Variants in ASPRV1 observed in about 807,000 individuals in gnomAD.
The protein encoded by ASPRV1 is aspartic peptidase retroviral like 1, also known as retroviral-like aspartic protease 1.
A neutral mutation model predicts 11.0 loss-of-function variants in ASPRV1; 7 were observed. The observed-to-expected ratio is 0.64, with a 90% CI of 0.36 to 1.20. The LOEUF (loss-of-function observed/expected upper bound fraction) is 1.20. ASPRV1 is among the 50% of genes most tolerant of loss of function. The pLI is 0.02. For synonymous variants in ASPRV1, 136 were observed against 138.4 expected (o/e 0.98, Z 0.12); for missense variants, 299 against 320.0 (o/e 0.93, Z 0.50).
the ASPRV1 span, among the ~76,000 whole-genome samples, chr2:70,014,813 A>G: frequency 9.9e-3 from 1,491 of 150,540 alleles, 33 homozygotes; most frequent in African/African-American, 0.034. Context: ...AAAAAAAAAA[A>G]AAAAAGAAAA....
chr2:70,028,287 A>G, the ASPRV1 span: 1 of 152,204 alleles, frequency 6.6e-6, no homozygotes, highest in Middle Eastern at 3.2e-3. Context: ...AATGACGAGA[A>G]GACAACTTTC....
the ASPRV1 span, among the ~76,000 whole-genome samples, chr2:69,950,894 AAAAT>A: frequency 1.3e-5 from 2 of 150,696 alleles, no homozygotes; most frequent in African/African-American, 4.8e-5. Context: ...TAAATAATAA[AAAAT>A]AAAATAGGGG....
chr2:70,032,620 T>C, the ASPRV1 span, among the ~76,000 whole-genome samples: 13 of 152,170 alleles, frequency 8.5e-5, no homozygotes, highest in Non-Finnish European at 1.5e-4. Context: ...ATTGCACTAC[T>C]GCACTTCAGC....
chr2:70,053,142 C>T, the ASPRV1 span, among the ~76,000 whole-genome samples: 1 of 152,192 alleles, frequency 6.6e-6, no homozygotes, highest in Non-Finnish European at 1.5e-5. Flanking sequence ...GTTCTTGAGA[C>T]TAAGTCCCTA....
At chr2:69,972,291 G>A in the ASPRV1 span, among the ~76,000 whole-genome samples, 3 of 151,498 alleles carry the variant, frequency 2.0e-5, no homozygotes, top group East Asian at 1.9e-4. Context: ...TCCAACTCTT[G>A]ACCTCGTGAT....
the ASPRV1 span, chr2:70,083,469 TC>T: frequency 6.6e-6 from 1 of 152,340 alleles, no homozygotes; most frequent in African/African-American, 2.4e-5. Context: ...GTAGCATAAA[TC>T]CTGTGGTTCA....
At chr2:70,066,339 A>T in the ASPRV1 span, among the ~76,000 whole-genome samples, 1 of 151,920 alleles carries the variant, frequency 6.6e-6, no homozygotes, top group African/African-American at 2.4e-5. Context: ...CCCAGGTTCA[A>T]GTGATTCTCC....
chr2:69,996,794 C>T, the ASPRV1 span: 10 of 453,474 alleles, frequency 2.2e-5, no homozygotes, highest in East Asian at 2.1e-4. Context: ...GGATGTCGGA[C>T]GGTCAGATAC....
At chr2:69,972,797 G>C in the ASPRV1 span, among the ~76,000 whole-genome samples, 10 of 151,998 alleles carry the variant, frequency 6.6e-5, no homozygotes, top group Non-Finnish European at 1.2e-4. Flanking sequence ...CCTCCTGCTT[G>C]CAGAAGATGG....
chr2:70,053,885 T>G, the ASPRV1 span: 1 of 152,238 alleles, frequency 6.6e-6, no homozygotes, highest in African/African-American at 2.4e-5. Context: ...GAGGAACCTC[T>G]TTCTCTCTCC....
At chr2:69,956,052 G>A (rs1677929331), downstream of ASPRV1, among the ~76,000 whole-genome samples, 1 of 152,176 alleles carries the variant, frequency 6.6e-6, no homozygotes, top group Non-Finnish European at 1.5e-5. Context: ...GACAAGATGA[G>A]CCTGGAACAT....
downstream of ASPRV1, among the ~76,000 whole-genome samples, chr2:69,957,557 T>C (rs7577869): frequency 0.16 from 24,652 of 151,460 alleles, 2,588 homozygotes; most frequent in East Asian, 0.29. Context: ...GGTATTAGAA[T>C]GTTCTAGGCC....
chr2:70,059,923 T>A, the ASPRV1 span: 1 of 152,272 alleles, frequency 6.6e-6, no homozygotes, highest in East Asian at 1.9e-4. Context: ...CTGGGCAACC[T>A]GTTCCTAATG....
the ASPRV1 span, among the ~76,000 whole-genome samples, chr2:70,081,911 TAGAA>T: frequency 1.3e-5 from 2 of 151,254 alleles, no homozygotes; most frequent in Admixed American, 6.6e-5. Flanking sequence ...AAAAGAGAAA[TAGAA>T]AGATAAATCT....
chr2:70,035,948 G>A, the ASPRV1 span, among the ~76,000 whole-genome samples: 1 of 151,456 alleles, frequency 6.6e-6, no homozygotes, highest in Non-Finnish European at 1.5e-5. Context: ...TTACTTTCAT[G>A]CTTTTACTGT....
chr2:70,058,433 G>A, the ASPRV1 span, among the ~76,000 whole-genome samples: 9 of 152,144 alleles, frequency 5.9e-5, no homozygotes, highest in African/African-American at 2.2e-4. Context: ...TGTAGAGACA[G>A]TGTTTTGCCA....
In ASPRV1 at chr2:69,961,271, C is replaced by G; in HGVS notation, c.166G>C (p.Glu56Gln). Reference protein sequence around the residue: ...DHITKLRFLKESLRGEALGVY... With the variant: ...DHITKLRFLKQSLRGEALGVY... ...CCCAGGGCCTCTCCTCTGAGGGACT[C>G]TTTCAGGAACCTTAGCTTGGTGATA... The change falls in exon 1 of 1, where the codon GAG (glutamate) becomes CAG (glutamine). Residue 56 changes from glutamate to glutamine, a missense_variant. Transcript: ENST00000320256. 1 of 1,614,146 alleles carries G rather than the reference C, an allele frequency of 6.2e-7. No homozygotes were observed. The highest frequency in any genetic ancestry group is 8.5e-7 in the Non-Finnish European group (1 of 1,180,012).
chr2:69,985,819 T>A, the ASPRV1 span, among the ~76,000 whole-genome samples: 1 of 152,138 alleles, frequency 6.6e-6, no homozygotes. Flanking sequence ...CAGACAGACA[T>A]GGAACCCAGC....
At chr2:69,943,782 C>T in the ASPRV1 span, among the ~76,000 whole-genome samples, 1 of 152,180 alleles carries the variant, frequency 6.6e-6, no homozygotes, top group Non-Finnish European at 1.5e-5. Flanking sequence ...GCGCTCAAGT[C>T]CTCATCATGG....
Sources: gnomAD v4.1 joint callset for allele counts (sites outside exome capture counted in the v4.1 genomes callset) on GRCh38, gnomAD v4.1.1 for gene constraint, MANE v1.5 for transcripts, NCBI Gene and HGNC (gene_info 2026-07-23, HGNC 2026-07-21) for gene names.